PALMD: variants seen among roughly 807,000 people sequenced by gnomAD.
The protein encoded by PALMD is paralemmin-like protein.
Under a neutral mutation model 56.2 loss-of-function variants are expected in PALMD, and 42 were observed. The ratio of observed to expected loss-of-function variants is 0.75; its 90% CI spans 0.58 to 0.97. The LOEUF (loss-of-function observed/expected upper bound fraction) is 0.97, where lower values mean the gene tolerates loss of function less well. Ranked by LOEUF, PALMD falls within the 50% of genes least tolerant of loss-of-function variation. The pLI is 0.00. For synonymous variants in PALMD, 242 were observed against 222.9 expected (o/e 1.09, Z -0.76); for missense variants, 660 against 643.8 (o/e 1.03, Z -0.27).
Position 99,683,054 on chromosome 1 carries a change from AAGAG to A in PALMD, c.252-3588_252-3585del, listed in dbSNP as rs775605217. 8.9e-3 allele frequency among the ~76,000 whole-genome samples: 233 copies of A among 26,278 alleles called. 6 individuals carry two copies. Among genetic ancestry groups the A allele is most frequent in the South Asian group, 0.013 (9 of 706 alleles). 17.2% of individuals were successfully genotyped at this position (26,278 alleles called of 152,430 possible). ...AAAGAAAGAAAGAAAGAAAGAAAGA[AAGAG>A]AGAGAGAGAGAGAGAGAGAGAGAGA... On this transcript the variant is annotated intron_variant, in intron 3 of 7. Transcript: ENST00000263174.
intron 2 of PALMD, among the ~76,000 whole-genome samples, chr1:99,666,938 G>A (rs1275043903): frequency 6.6e-6 from 1 of 152,072 alleles, no homozygotes; most frequent in Non-Finnish European, 1.5e-5. Flanking sequence ...TTTTTTGTGT[G>A]TTGTTAAAGT....
In PALMD at chr1:99,683,150, GAAAGAAAGAAAGAAAGAAAC is replaced by G. The variant is rs1557674100; in HGVS notation, c.252-3525_252-3506del. 68 of 114,192 alleles carry G rather than the reference GAAAGAAAGAAAGAAAGAAAC, an allele frequency of 6.0e-4. 1 individual carries two copies. Among genetic ancestry groups the G allele is most frequent in the African/African-American group, 2.1e-3 (40 of 19,346 alleles). The allele number at this position is 114,192 out of a possible 1,614,324, so 7.1% of individuals were successfully genotyped here. ...AGAAAGAAAGAAAGAAAGAAAGAAAGAAAGAAAGAAAGAAAGAAACGAACACCCTATGAAGTTGTTAACAT... is the reference window on the plus strand; with the variant it reads ...AGAAAGAAAGAAAGAAAGAAAGAAAGGAACACCCTATGAAGTTGTTAACAT... On this transcript the variant is annotated intron_variant, in intron 3 of 7. Transcript: ENST00000263174.
At chr1:99,688,075 T>C (rs540545649) in intron 6 of PALMD, among the ~76,000 whole-genome samples, 3 of 152,266 alleles carry the variant, frequency 2.0e-5, no homozygotes, top group African/African-American at 7.2e-5. Flanking sequence ...GCTTCCCCAG[T>C]TCTCTCCAGT....
In PALMD at chr1:99,689,227, A is replaced by C. The variant is rs1395450422; in HGVS notation, c.967A>C (p.Ile323Leu). 6.2e-7 allele frequency: 1 copy of C among 1,613,730 alleles called. No homozygotes were observed. Among genetic ancestry groups the C allele is most frequent in the African/African-American group, 1.3e-5 (1 of 74,984 alleles). The change falls in exon 7 of 8, where the codon ATT becomes CTT. Residue 323 changes from isoleucine to leucine, a missense_variant. Ile to Leu is a conservative substitution (Grantham distance 5). Transcript: ENST00000263174. ...AAACAACTTCAATCACATCAGTCCCATTCCGCCAGTGCCTCATCCCCGATC... is the reference window on the plus strand; with the variant it reads ...AAACAACTTCAATCACATCAGTCCCCTTCCGCCAGTGCCTCATCCCCGATC... ...RGNNFNHISP[I>L]PPVPHPRSVI...
At chr1:99,669,321 T>A (rs373982368) in intron 3 of PALMD, 1 of 152,204 alleles carries the variant, frequency 6.6e-6, no homozygotes, top group East Asian at 1.9e-4. Flanking sequence ...ACTCAAAGAT[T>A]TGAAGTGCTT....
At chr1:99,690,253 T>A (rs12071556) in intron 7 of PALMD, among the ~76,000 whole-genome samples, 1 of 152,120 alleles carries the variant, frequency 6.6e-6, no homozygotes, top group African/African-American at 2.4e-5. Context: ...TGATTTAAAC[T>A]TCTTATATAA....
rs35258980 is a variant in PALMD, at chr1:99,688,946, A to G, written c.686A>G (p.Asn229Ser). The change falls in exon 7 of 8, where the codon AAT becomes AGT. Residue 229 changes from asparagine (N) to serine (S), a missense_variant. Physicochemically the swap from Asn to Ser is conservative, Grantham distance 46. Coordinates refer to ENST00000263174, the MANE Select transcript of PALMD (RefSeq NM_017734.5). ...AVSSNHSAAY[N>S]GTDGLAPVEV... Reference sequence around the variant, plus strand: ...AGTTCTAATCACAGTGCAGCATACAATGGCACCGATGGCCTGGCACCAGTT... The same window carrying G: ...AGTTCTAATCACAGTGCAGCATACAGTGGCACCGATGGCCTGGCACCAGTT... 5.7e-4 allele frequency: 914 copies of G among 1,613,574 alleles called. 1 individual carries two copies. The African/African-American group carries it at 8.6e-3, about 15-fold the overall frequency.
chr1:99,668,445 A>C (rs1653015624), intron 3 of PALMD: 1 of 152,318 alleles, frequency 6.6e-6, no homozygotes, highest in African/African-American at 2.4e-5. Flanking sequence ...TACCTAGCAC[A>C]TGGTAGGTAC....
chr1:99,647,070 A>T (rs1652458570), intron 1 of PALMD, among the ~76,000 whole-genome samples: 2 of 152,158 alleles, frequency 1.3e-5, no homozygotes, highest in African/African-American at 4.8e-5. Context: ...TCCGGGAAAA[A>T]GTCAAAGCCA....
At chr1:99,672,582 G>A (rs1400715113) in intron 3 of PALMD, among the ~76,000 whole-genome samples, 1 of 152,144 alleles carries the variant, frequency 6.6e-6, no homozygotes, top group Non-Finnish European at 1.5e-5. Flanking sequence ...CCAGCAACTT[G>A]TTCACATCCT....
At chr1:99,676,963 A>T (rs1018406009) in intron 3 of PALMD, among the ~76,000 whole-genome samples, 1 of 152,196 alleles carries the variant, frequency 6.6e-6, no homozygotes, top group African/African-American at 2.4e-5. Context: ...TGCAGTCAAG[A>T]TAACTAAAGT....
intron 3 of PALMD, among the ~76,000 whole-genome samples, chr1:99,675,181 G>C (rs2100866703): frequency 6.6e-6 from 1 of 152,222 alleles, no homozygotes; most frequent in Non-Finnish European, 1.5e-5. Flanking sequence ...AAGAAACAAA[G>C]CAAAAATGAA....
intron 3 of PALMD, chr1:99,683,301 C>T (rs1190363088): frequency 6.6e-6 from 1 of 152,148 alleles, no homozygotes; most frequent in African/African-American, 2.4e-5. Flanking sequence ...TAAATACCAA[C>T]TCCCAAATGT....
chr1:99,654,954 A>G (rs1045289208), intron 1 of PALMD, among the ~76,000 whole-genome samples: 3 of 152,178 alleles, frequency 2.0e-5, no homozygotes, highest in Non-Finnish European at 2.9e-5. Flanking sequence ...ATGGCTATTA[A>G]TCAATACATT....
In PALMD at chr1:99,687,707, A is replaced by G. The variant is rs549964117; in HGVS notation, c.514+518A>G. 2.4e-4 allele frequency among the ~76,000 whole-genome samples: 37 copies of G among 152,310 alleles called. 1 individual carries two copies. In the South Asian group the frequency reaches 5.8e-3, roughly 24 times the overall value. On this transcript the variant is annotated intron_variant, in intron 6 of 7. Coordinates refer to ENST00000263174, the MANE Select transcript of PALMD (RefSeq NM_017734.5). ...AAGCTACTCTTTATTTGCAGATGGT[A>G]GTCATTTATTCATTCAACAAATATT...
intron 1 of PALMD, among the ~76,000 whole-genome samples, chr1:99,650,174 A>C (rs1294849809): frequency 6.6e-6 from 1 of 151,956 alleles, no homozygotes; most frequent in Non-Finnish European, 1.5e-5. Flanking sequence ...AATAATCACA[A>C]GTACAAGCAC....
At chr1:99,658,546 C>A (rs962609759) in intron 1 of PALMD, among the ~76,000 whole-genome samples, 5 of 151,290 alleles carry the variant, frequency 3.3e-5, no homozygotes, top group Non-Finnish European at 2.9e-5. Context: ...CTGAGGCAGG[C>A]GGATCACGAG....
rs1055481568 is a variant in PALMD at position 99,687,162 on chromosome 1, A to G, written c.487A>G (p.Lys163Glu). The change falls in exon 6 of 8, where the codon AAA becomes GAA. Residue 163 changes from lysine (K) to glutamate (E), a missense_variant. Physicochemically the swap from Lys to Glu is moderately conservative, Grantham distance 56 (BLOSUM62 1). Transcript: ENST00000263174. Reference sequence around the variant, plus strand: ...GTTAAGGAAGGAGATAAATGAAGAAAAAGAAGATGATGAACAAAATAGGAA... The same window carrying G: ...GTTAAGGAAGGAGATAAATGAAGAAGAAGAAGATGATGAACAAAATAGGAA... ...SRLRKEINEE[K>E]EDDEQNRKAL... The G allele has an allele frequency of 6.2e-7, 1 of 1,604,432 alleles. No individual in the cohort carries two copies. Among genetic ancestry groups the G allele is most frequent in the Non-Finnish European group, 8.5e-7 (1 of 1,172,716 alleles).
At chr1:99,688,593 C>A in intron 6 of PALMD, among the ~76,000 whole-genome samples, 182 bp from the exon 7 acceptor site, 1 of 152,224 alleles carries the variant, frequency 6.6e-6, no homozygotes, top group East Asian at 1.9e-4. Context: ...ACATAAAAAC[C>A]CGTGTTATTC....
Sources: allele counts gnomAD v4.1 joint callset (sites outside exome capture counted in the v4.1 genomes callset), GRCh38; gene constraint gnomAD v4.1.1; transcripts MANE v1.5; gene names NCBI Gene and HGNC (gene_info 2026-07-23, HGNC 2026-07-21).